The following PCNX2 variants were observed in gnomAD, a reference collection of about 807,000 sequenced individuals.
PCNX2 encodes the protein pecanex 2.
PCNX2 carries 168 observed loss-of-function variants against 223.8 expected under a neutral mutation model. The ratio of observed to expected loss-of-function variants is 0.75; its 90% CI spans 0.66 to 0.85. The LOEUF (loss-of-function observed/expected upper bound fraction) is 0.85, where lower values mean the gene tolerates loss of function less well. PCNX2 is among the 40% of genes least tolerant of loss of function. The pLI is 0.00. For synonymous variants in PCNX2, 1,006 were observed against 1,052.6 expected (o/e 0.96, Z 0.86); for missense variants, 2,507 against 2,675.5 (o/e 0.94, Z 1.39).
intron 15 of PCNX2, among the ~76,000 whole-genome samples, chr1:233,187,528 C>A (rs1366386977): frequency 6.6e-6 from 1 of 152,150 alleles, no homozygotes. Flanking sequence ...AGCATGCTCT[C>A]GGGGCTTACT....
At chr1:233,132,892 CTT>C (rs892121349) in intron 21 of PCNX2, among the ~76,000 whole-genome samples, 19 of 114,868 alleles carry the variant, frequency 1.7e-4, no homozygotes, top group South Asian at 8.6e-4. Flanking sequence ...CATTTTACAT[CTT>C]TTTTTTTTTT....
At chr1:233,213,588 C>G (rs984949904) in intron 12 of PCNX2, among the ~76,000 whole-genome samples, 2 of 152,100 alleles carry the variant, frequency 1.3e-5, no homozygotes, top group Non-Finnish European at 2.9e-5. Context: ...AAAAAATAAT[C>G]TCCAATAATT....
intron 32 of PCNX2, among the ~76,000 whole-genome samples, chr1:232,995,781 G>A (rs574125671): frequency 4.6e-5 from 7 of 152,224 alleles, no homozygotes; most frequent in South Asian, 2.1e-4. Context: ...TATGGTGTTC[G>A]GACTCCAGGG....
chr1:232,997,451 T>G (rs1049277025), intron 32 of PCNX2, among the ~76,000 whole-genome samples: 2 of 152,182 alleles, frequency 1.3e-5, no homozygotes, highest in African/African-American at 2.4e-5. Context: ...AGGCACTTAT[T>G]AAACGCTTCT....
At chr1:233,092,417 T>C (rs1673915788) in intron 22 of PCNX2, among the ~76,000 whole-genome samples, 2 of 152,240 alleles carry the variant, frequency 1.3e-5, no homozygotes, top group South Asian at 4.1e-4. Context: ...GAGATTACAC[T>C]GTACATTTTT....
At chr1:233,195,895 C>T (rs1307321053) in intron 15 of PCNX2, among the ~76,000 whole-genome samples, 1 of 152,054 alleles carries the variant, frequency 6.6e-6, no homozygotes, top group Non-Finnish European at 1.5e-5. Context: ...AAAATTTTTG[C>T]AAATTTTGGT....
rs560636925 is a variant in PCNX2, at chr1:233,085,801, A to G, written c.4076+4260T>C. Among the ~76,000 whole-genome samples the G allele has an allele frequency of 3.3e-5, 5 of 152,280 alleles. No individual in the cohort carries two copies. The South Asian group carries it at 1.0e-3, about 32-fold the overall frequency. ...CAGAGAGGTTCTGAGGCTACACGAA[A>G]AGAGAGAAAGATGTCCAGTTAGTCC... On this transcript the variant is annotated intron_variant, in intron 23 of 33. Coordinates refer to ENST00000258229, the MANE Select transcript of PCNX2 (RefSeq NM_014801.4).
At chr1:233,288,936 T>C (rs1012543093) in intron 1 of PCNX2, 119 of 1,503,776 alleles carry the variant, frequency 7.9e-5, no homozygotes, top group Admixed American at 2.7e-4. Context: ...AGAAAAAGTT[T>C]CAACCTTGTG....
intron 19 of PCNX2, among the ~76,000 whole-genome samples, chr1:233,152,714 C>A (rs1174254407): frequency 6.6e-6 from 1 of 152,172 alleles, no homozygotes; most frequent in Non-Finnish European, 1.5e-5. Context: ...TAAAGGGCCA[C>A]CAACTGCCTA....
intron 9 of PCNX2, among the ~76,000 whole-genome samples, chr1:233,234,722 A>G (rs1658281323): frequency 6.6e-6 from 1 of 152,150 alleles, no homozygotes. Context: ...TTCCCAAGCT[A>G]TCCTGATACT....
chr1:233,060,846 C>G (rs1190273162), intron 23 of PCNX2, among the ~76,000 whole-genome samples: 1 of 152,086 alleles, frequency 6.6e-6, no homozygotes, highest in Non-Finnish European at 1.5e-5. Flanking sequence ...GAACAAGAGT[C>G]GTATAACAGG....
intron 17 of PCNX2, among the ~76,000 whole-genome samples, chr1:233,175,701 CTT>C (rs11325429): frequency 4.6e-5 from 7 of 151,276 alleles, no homozygotes; most frequent in Admixed American, 2.0e-4. Flanking sequence ...AAATATTTCT[CTT>C]TTTTTTTAAG....
At chr1:233,171,999 T>A (rs1679180949) in intron 17 of PCNX2, among the ~76,000 whole-genome samples, 1 of 152,188 alleles carries the variant, frequency 6.6e-6, no homozygotes, top group South Asian at 2.1e-4. Flanking sequence ...GGTGTATATT[T>A]CAATTGATTC....
chr1:233,324,598 A>ATTT, the PCNX2 span, among the ~76,000 whole-genome samples: 961 of 127,522 alleles, frequency 7.5e-3, 24 homozygotes, highest in African/African-American at 0.023. Flanking sequence ...GTTTACTGAA[A>ATTT]TTTTTTTTTT....
At chr1:233,115,653 CAG>C (rs1313344130) in intron 21 of PCNX2, among the ~76,000 whole-genome samples, 4 of 152,122 alleles carry the variant, frequency 2.6e-5, no homozygotes, top group African/African-American at 9.7e-5. Context: ...GCCTCAGAAT[CAG>C]AGTCATATAT....
intron 4 of PCNX2, 141 bp from the exon 5 acceptor site, chr1:233,259,485 C>A: frequency 7.9e-7 from 1 of 1,260,848 alleles, no homozygotes; most frequent in Non-Finnish European, 1.1e-6. Context: ...ACTTTAAGTT[C>A]TGGGTTACAT....
At chr1:233,141,707 A>G (rs564603867) in intron 19 of PCNX2, among the ~76,000 whole-genome samples, 7 of 88,070 alleles carry the variant, frequency 7.9e-5, no homozygotes, top group African/African-American at 4.0e-4. Flanking sequence ...ATGTGTGTGT[A>G]TATATATATC....
chr1:233,172,046 C>T (rs963379697), intron 17 of PCNX2, among the ~76,000 whole-genome samples: 1 of 152,236 alleles, frequency 6.6e-6, no homozygotes, highest in Admixed American at 6.5e-5. Flanking sequence ...TTCTATTTGG[C>T]TCTCTTTCAA....
rs373376096 is a variant in PCNX2, at chr1:233,018,564, A to C, written c.4606-1410T>G. On this transcript the variant is annotated intron_variant, in intron 26 of 33. Coordinates refer to ENST00000258229, the MANE Select transcript of PCNX2 (RefSeq NM_014801.4). ...TTGTAGTTTTTGAATAAATTCCTCCATCAAAAAGGCTAGCACCTGGCCTCA... is the reference window on the plus strand; with the variant it reads ...TTGTAGTTTTTGAATAAATTCCTCCCTCAAAAAGGCTAGCACCTGGCCTCA... Among the ~76,000 whole-genome samples the C allele has an allele frequency of 5.3e-5, 8 of 152,298 alleles. No homozygotes were observed. The East Asian group carries it at 9.7e-4, about 18-fold the overall frequency.
Sources: allele counts gnomAD v4.1 joint callset (sites outside exome capture counted in the v4.1 genomes callset), GRCh38; gene constraint gnomAD v4.1.1; transcripts MANE v1.5; gene names NCBI Gene and HGNC (gene_info 2026-07-23, HGNC 2026-07-21).